SP7: variants seen among roughly 807,000 people sequenced by gnomAD.
The protein encoded by SP7 is transcription factor Sp7.
In SP7, 13 loss-of-function variants were observed where a neutral mutation model predicts 27.9. The ratio of observed to expected loss-of-function variants is 0.47; its 90% CI spans 0.30 to 0.74. SP7 has a LOEUF of 0.74. SP7 is among the 30% of genes least tolerant of loss of function. SP7 has a pLI of 0.06. For synonymous variants in SP7, 219 were observed against 226.7 expected, an observed-to-expected ratio of 0.97 and a Z score of 0.31; for missense variants, 525 against 558.0, an observed-to-expected ratio of 0.94 and a Z score of 0.60.
upstream of SP7, among the ~76,000 whole-genome samples, chr12:53,337,236 G>A (rs1476940667): frequency 6.6e-6 from 1 of 152,150 alleles, no homozygotes; most frequent in Non-Finnish European, 1.5e-5. Context: ...ACTTTCCTGG[G>A]AACTCCTGGT....
chr12:53,338,146 TG>T (rs1375795290), upstream of SP7, among the ~76,000 whole-genome samples: 1 of 144,476 alleles, frequency 6.9e-6, no homozygotes, highest in East Asian at 2.1e-4. Context: ...AGGGTTGTGT[TG>T]CCAGGCAGGT....
intron 2 of SP7, among the ~76,000 whole-genome samples, chr12:53,330,994 C>G (rs1243363466): frequency 6.6e-6 from 1 of 152,188 alleles, no homozygotes; most frequent in African/African-American, 2.4e-5. Flanking sequence ...CAGCTGGTAC[C>G]CCTTTGAGAG....
At chr12:53,335,878 G>A (rs939761603) in intron 1 of SP7, 185 bp from the exon 2 acceptor site, 1 of 1,332,850 alleles carries the variant, frequency 7.5e-7, no homozygotes, top group African/African-American at 1.5e-5. Context: ...AGGAGGGCGA[G>A]AGAGGGAGGC....
intron 1 of SP7, among the ~76,000 whole-genome samples, chr12:53,343,979 C>T (rs1367609501): frequency 2.6e-5 from 4 of 151,828 alleles, no homozygotes; most frequent in African/African-American, 4.8e-5. Flanking sequence ...GCCTGGGAGG[C>T]GGAGGTTGCA....
chr12:53,339,494 G>A (rs1944803571), upstream of SP7, among the ~76,000 whole-genome samples: 1 of 151,444 alleles, frequency 6.6e-6, no homozygotes, highest in East Asian at 2.0e-4. Flanking sequence ...GGGAGGCCAA[G>A]GTGGGTGGAT....
chr12:53,327,905 G>A lies in SP7; in HGVS notation c.*241C>T, dbSNP rs894476578. On this transcript the variant is annotated 3_prime_UTR_variant, in exon 3 of 3. Transcript: ENST00000536324. ...CTAGGAAGCCGGAGTGCAGGTATCA[G>A]GCACAAGGGGAGGGCCTGAGATGAG... 9 of 508,540 alleles carry A rather than the reference G, an allele frequency of 1.8e-5. No homozygotes were observed. Among genetic ancestry groups the A allele is most frequent in the African/African-American group, 1.8e-4 (9 of 50,932 alleles). 31.5% of individuals were successfully genotyped at this position (508,540 alleles called of 1,614,324 possible).
chr12:53,330,756 G>T (rs1456349082), intron 2 of SP7, among the ~76,000 whole-genome samples: 1 of 152,198 alleles, frequency 6.6e-6, no homozygotes, highest in Non-Finnish European at 1.5e-5. Flanking sequence ...TCCATTTCCT[G>T]TCGCTGCTTC....
chr12:53,329,070 A>G lies in SP7; in HGVS notation c.372T>C (p.Ser124=), dbSNP rs1208084420. 3.1e-6 allele frequency: 5 copies of G among 1,613,810 alleles called. No homozygotes were observed. Among genetic ancestry groups the G allele is most frequent in the South Asian group, 1.1e-5 (1 of 91,080 alleles). ...GTGTCATGTCCAGAGAGGTGTAGAC[A>G]CTGGGCAGACAGTCAGAAGAGCTGT... The part of the protein sequence containing the change: ...KGHSSSDCLP[S]VYTSLDMTHP... The change falls in exon 3 of 3, where the codon AGT becomes AGC. Residue 124 remains serine (S), a synonymous_variant. Coordinates refer to ENST00000536324, the MANE Select transcript of SP7 (RefSeq NM_001173467.3).
rs761737801 is a variant in SP7, at chr12:53,328,226, G to T, written c.1216C>A (p.Pro406Thr). The T allele has an allele frequency of 1.2e-6, 2 of 1,613,000 alleles. No homozygotes were observed. The highest frequency in any genetic ancestry group is 2.7e-5 in the African/African-American group (2 of 74,904). Reference sequence around the variant, plus strand: ...GTTGCTGGCGAGGCAGAAGGTCGGGGCGTCTGACTGGCCTCCTCTTCCCCC... The same window carrying T: ...GTTGCTGGCGAGGCAGAAGGTCGGGTCGTCTGACTGGCCTCCTCTTCCCCC... ...STGEEEASQT[P>T]RPSASPATPE... The change falls in exon 3 of 3, where the codon CCC (proline) becomes ACC (threonine). Residue 406 changes from proline to threonine, a missense_variant. Transcript: ENST00000536324. The surrounding 1 kb of genome is among the most constrained non-coding windows in gnomAD (Gnocchi z 5.1).
rs200897356 is a variant in SP7 at position 53,328,703 on chromosome 12, T to G, written c.739A>C (p.Lys247Gln). 3.2e-5 allele frequency: 52 copies of G among 1,606,058 alleles called. No individual in the cohort carries two copies. Among genetic ancestry groups the G allele is most frequent in the African/African-American group, 4.0e-5 (3 of 74,902 alleles). Residue 247 changes from lysine to glutamine, a missense_variant, in exon 3 of 3, where the codon AAA (lysine) becomes CAA (glutamine). Coordinates refer to ENST00000536324, the MANE Select transcript of SP7 (RefSeq NM_001173467.3). The surrounding 1 kb of genome is among the most constrained non-coding windows in gnomAD (Gnocchi z 5.1). ...CCAGTGCTTGCACCCCGTGGGGGTT[T>G]GGCTCCACCACTCCCTTCTAGCTGC... ...SGQLEGSGGA[K>Q]PPRGASTGGS...
chr12:53,338,649 G>A (rs1018582856), upstream of SP7, among the ~76,000 whole-genome samples: 11 of 152,054 alleles, frequency 7.2e-5, no homozygotes, highest in Non-Finnish European at 1.0e-4. Flanking sequence ...AGGGGCAGAC[G>A]TATTCAAACC....
intron 2 of SP7, among the ~76,000 whole-genome samples, 187 bp downstream of exon 2, chr12:53,335,439 T>C (rs1229857086): frequency 6.6e-6 from 1 of 151,360 alleles, no homozygotes; most frequent in African/African-American, 2.4e-5. Context: ...GCCCTATTCT[T>C]CCCTCCCTTT....
chr12:53,334,536 A>G (rs1944744735), intron 2 of SP7, among the ~76,000 whole-genome samples: 1 of 152,190 alleles, frequency 6.6e-6, no homozygotes, highest in South Asian at 2.1e-4. Context: ...GGCCTGAGCT[A>G]GGGCACTGGG....
In SP7 at chr12:53,344,138, G is replaced by C. The variant is rs769784293; in HGVS notation, c.-34+976C>G. ...ATTTGGTGTCCAATCAGATGTGAGG[G>C]GTGAGTAGTCACACATGACTTCCCT... On this transcript the variant is annotated intron_variant, in intron 1 of 1. Transcript: ENST00000547755. The surrounding 1 kb of genome is among the most constrained non-coding windows in gnomAD (Gnocchi z 4.6). Among the ~76,000 whole-genome samples, 3 of 152,096 alleles carry C rather than the reference G, an allele frequency of 2.0e-5. No individual in the cohort carries two copies. Among genetic ancestry groups the C allele is most frequent in the Non-Finnish European group, 4.4e-5 (3 of 68,004 alleles).
chr12:53,341,172 C>T (rs1430806530), upstream of SP7, among the ~76,000 whole-genome samples: 1 of 152,236 alleles, frequency 6.6e-6, no homozygotes, highest in African/African-American at 2.4e-5. Flanking sequence ...TTCCCTCCCT[C>T]TCTGCTAGGT....
At chr12:53,341,127 T>C (rs955784803), upstream of SP7, among the ~76,000 whole-genome samples, 21 of 152,180 alleles carry the variant, frequency 1.4e-4, no homozygotes, top group Non-Finnish European at 2.6e-4. Context: ...CCAACAAATA[T>C]GTACACAAAT....
chr12:53,335,603 TG>T, intron 2 of SP7, 22 bp downstream of exon 2: 8 of 1,283,082 alleles, frequency 6.2e-6, no homozygotes, highest in South Asian at 3.8e-5. Context: ...GCTGGTTTCC[TG>T]GGGGGAAGAG....
At chr12:53,334,119 T>C (rs1944738398) in intron 2 of SP7, among the ~76,000 whole-genome samples, 1 of 152,068 alleles carries the variant, frequency 6.6e-6, no homozygotes, top group Non-Finnish European at 1.5e-5. Context: ...TGGCTCAAAA[T>C]AGAGTCTGTT....
At chr12:53,329,768 G>C (rs755141051) in intron 2 of SP7, among the ~76,000 whole-genome samples, 2 of 152,022 alleles carry the variant, frequency 1.3e-5, no homozygotes, top group Non-Finnish European at 2.9e-5. Flanking sequence ...TCTCGCTGTT[G>C]TCGCCCAGGT....
Sources: gnomAD v4.1 joint callset for allele counts (sites outside exome capture counted in the v4.1 genomes callset) on GRCh38, gnomAD v4.1.1 for gene constraint, Gnocchi (gnomAD v3.1) non-coding constraint, MANE v1.5 for transcripts, NCBI Gene and HGNC (gene_info 2026-07-23, HGNC 2026-07-21) for gene names.